The following TMPRSS11F variants were observed in gnomAD, a reference collection of about 807,000 sequenced individuals.
The protein encoded by TMPRSS11F is transmembrane serine protease 11F, also known as transmembrane protease serine 11F.
TMPRSS11F carries 47 observed loss-of-function variants against 60.2 expected under a neutral mutation model. The observed-to-expected ratio is 0.78, with a 90% CI of 0.62 to 1.00. TMPRSS11F has a LOEUF of 1.00. TMPRSS11F is among the 50% of genes least tolerant of loss of function. The pLI, the probability that TMPRSS11F is intolerant of heterozygous loss-of-function variation, is 0.00. For missense variants in TMPRSS11F, 519 were observed against 522.9 expected (o/e 0.99, Z 0.07); for synonymous variants, 166 against 167.3 (o/e 0.99, Z 0.06).
chr4:68,128,362 A>G (rs528329420), intron 1 of TMPRSS11F, among the ~76,000 whole-genome samples: 10 of 152,282 alleles, frequency 6.6e-5, no homozygotes, highest in Admixed American at 2.0e-4. Flanking sequence ...TGATCACTAT[A>G]TATTACATGT....
intron 1 of TMPRSS11F, among the ~76,000 whole-genome samples, chr4:68,103,123 T>G (rs1235557126): frequency 6.6e-6 from 1 of 152,108 alleles, no homozygotes; most frequent in African/African-American, 2.4e-5. Flanking sequence ...CCTTATTGTG[T>G]CCTTGTGATG....
Position 68,054,047 on chromosome 4 carries a change from C to A in TMPRSS11F, c.1179G>T (p.Leu393=). ...DACKGDSGGP[L]VYDNHDIWYI... ...ACCAGATGTCATGATTATCATAAACCAGAGGTCCACCAGAATCTCCCTGAA... is the reference window on the plus strand; with the variant it reads ...ACCAGATGTCATGATTATCATAAACAAGAGGTCCACCAGAATCTCCCTGAA... The change falls in exon 10 of 10, where the codon CTG becomes CTT. Residue 393 remains leucine (L), a synonymous_variant. Coordinates refer to ENST00000356291, the MANE Select transcript of TMPRSS11F (RefSeq NM_207407.2). The A allele has an allele frequency of 6.2e-7, 1 of 1,612,846 alleles. No individual in the cohort carries two copies. The highest frequency in any genetic ancestry group is 1.1e-5 in the South Asian group (1 of 90,936).
At chr4:68,106,200 A>G in intron 1 of TMPRSS11F, among the ~76,000 whole-genome samples, 1 of 152,218 alleles carries the variant, frequency 6.6e-6, no homozygotes. Context: ...TAGTCACAGT[A>G]ATGGAGTACA....
rs1301567853 is a variant in TMPRSS11F, at chr4:68,053,449, T to C, written c.*460A>G. ...TGCAAATCCCATGCTTCTCCATTCTTGCACACTGAAGGTCCACTTATCAGT... is the reference window on the plus strand; with the variant it reads ...TGCAAATCCCATGCTTCTCCATTCTCGCACACTGAAGGTCCACTTATCAGT... On this transcript the variant is annotated 3_prime_UTR_variant, in exon 10 of 10. Transcript: ENST00000356291. The C allele has an allele frequency of 1.3e-5, 2 of 153,280 alleles. No individual in the cohort carries two copies. The highest frequency in any genetic ancestry group is 1.3e-4 in the Admixed American group (2 of 15,300). 9.5% of individuals were successfully genotyped at this position (153,280 alleles called of 1,614,324 possible).
At chr4:68,075,924 C>T (rs1376470973) in intron 3 of TMPRSS11F, among the ~76,000 whole-genome samples, 3 of 151,262 alleles carry the variant, frequency 2.0e-5, no homozygotes, top group Admixed American at 6.6e-5. Context: ...ACCTGGGAGG[C>T]GGAGCTTGCA....
Position 68,098,965 on chromosome 4 carries a change from G to T in TMPRSS11F, c.85C>A (p.Arg29=), listed in dbSNP as rs140054355. Residue 29 remains arginine (R), a synonymous_variant, in exon 2 of 10, where the codon CGG becomes AGG. Transcript: ENST00000356291. ...ATTGCTAATGTGAAAAGAGCTAGCC[G>T]TACTGAGTCCCAAAATTGCTGCTTT... The part of the protein sequence containing the change: ...QRKQQFWDSV[R]LALFTLAIVA... 1 of 1,612,932 alleles carries T rather than the reference G, an allele frequency of 6.2e-7. No individual in the cohort carries two copies. Among genetic ancestry groups the T allele is most frequent in the Non-Finnish European group, 8.5e-7 (1 of 1,179,450 alleles).
intron 1 of TMPRSS11F, among the ~76,000 whole-genome samples, chr4:68,124,262 G>C (rs1724675069): frequency 1.3e-5 from 2 of 151,592 alleles, no homozygotes; most frequent in African/African-American, 4.8e-5. Flanking sequence ...TAAAGCTGTA[G>C]GGGCCAAGGG....
intron 1 of TMPRSS11F, among the ~76,000 whole-genome samples, chr4:68,104,509 G>A (rs141369211): frequency 6.6e-6 from 1 of 152,046 alleles, no homozygotes. Context: ...CCTTCACGCT[G>A]TACTTCTCCC....
chr4:68,060,398 C>T (rs10018898), intron 8 of TMPRSS11F, among the ~76,000 whole-genome samples: 1 of 149,392 alleles, frequency 6.7e-6, no homozygotes, highest in South Asian at 2.1e-4. Context: ...TGCCTGTAGT[C>T]TCAGCTACTC....
intron 1 of TMPRSS11F, among the ~76,000 whole-genome samples, chr4:68,129,600 C>T (rs1312452644): frequency 6.6e-6 from 1 of 151,868 alleles, no homozygotes; most frequent in Non-Finnish European, 1.5e-5. Context: ...TATTTAGAAA[C>T]AAAAAACACC....
intron 1 of TMPRSS11F, among the ~76,000 whole-genome samples, chr4:68,124,967 T>TTTTTTA (rs397993852): frequency 1.3e-5 from 2 of 149,252 alleles, no homozygotes; most frequent in South Asian, 4.2e-4. Flanking sequence ...TTTTTTTTTT[T>TTTTTTA]ACATAGTACA....
chr4:68,110,358 T>C (rs1379124796), intron 1 of TMPRSS11F, among the ~76,000 whole-genome samples: 1 of 152,166 alleles, frequency 6.6e-6, no homozygotes, highest in African/African-American at 2.4e-5. Flanking sequence ...ATCCACAGAC[T>C]CAGACCTCTT....
chr4:68,059,452 T>C lies in TMPRSS11F; in HGVS notation c.1032A>G (p.Thr344=). Residue 344 remains threonine, a synonymous_variant, in exon 9 of 10, where the codon ACA becomes ACG. Transcript: ENST00000356291. ...TGGTTTCCACTCTGGCTTGCCGAAG[T>C]GTATTTTGTATAGGTCCTATTGCAC... ...SIVDDGPIQN[T]LRQARVETIS... 6.2e-7 allele frequency: 1 copy of C among 1,613,772 alleles called. No homozygotes were observed. The highest frequency in any genetic ancestry group is 8.5e-7 in the Non-Finnish European group (1 of 1,179,938).
At chr4:68,057,624 T>C (rs1723073500) in intron 9 of TMPRSS11F, among the ~76,000 whole-genome samples, 1 of 152,246 alleles carries the variant, frequency 6.6e-6, no homozygotes, top group African/African-American at 2.4e-5. Context: ...TAAGGGCTTA[T>C]ATCCAAAATA....
chr4:68,091,787 C>CTA (rs58811256), intron 2 of TMPRSS11F, among the ~76,000 whole-genome samples: 1 of 71,360 alleles, frequency 1.4e-5, no homozygotes, highest in African/African-American at 4.5e-5. Context: ...CTCTCTCTAT[C>CTA]TATCTATCTA....
At chr4:68,113,673 A>G (rs1724456940) in intron 1 of TMPRSS11F, among the ~76,000 whole-genome samples, 1 of 152,220 alleles carries the variant, frequency 6.6e-6, no homozygotes, top group Non-Finnish European at 1.5e-5. Flanking sequence ...GAAGTACACA[A>G]ATCCACATTA....
chr4:68,065,866 C>T (rs1212825386), intron 7 of TMPRSS11F, among the ~76,000 whole-genome samples: 1 of 151,964 alleles, frequency 6.6e-6, no homozygotes, highest in Non-Finnish European at 1.5e-5. Flanking sequence ...GCCTGTAATC[C>T]CAGCACTTTG....
At chr4:68,110,622 A>C (rs1477014077) in intron 1 of TMPRSS11F, among the ~76,000 whole-genome samples, 1 of 152,098 alleles carries the variant, frequency 6.6e-6, no homozygotes, top group Non-Finnish European at 1.5e-5. Flanking sequence ...TTTTTACCTC[A>C]GTTTTTTCAT....
intron 1 of TMPRSS11F, among the ~76,000 whole-genome samples, chr4:68,124,041 C>T (rs766545115): frequency 8.6e-5 from 13 of 151,700 alleles, no homozygotes; most frequent in African/African-American, 2.4e-4. Flanking sequence ...GCCAATATGG[C>T]GAAACCCCAT....
Sources: gnomAD v4.1 joint callset for allele counts (sites outside exome capture counted in the v4.1 genomes callset) on GRCh38, gnomAD v4.1.1 for gene constraint, MANE v1.5 for transcripts, NCBI Gene and HGNC (gene_info 2026-07-23, HGNC 2026-07-21) for gene names.